Variants in EYS observed in about 807,000 individuals in gnomAD.
EYS encodes the protein protein eyes shut homolog.
Under a neutral mutation model 282.1 loss-of-function variants are expected in EYS, and 250 were observed. That is an observed-to-expected ratio of 0.89 (90% CI 0.80 to 0.98). EYS has a LOEUF of 0.98. EYS is among the 50% of genes least tolerant of loss of function. The pLI is 0.00. For missense variants in EYS, 4,016 were observed against 3,709.0 expected, an observed-to-expected ratio of 1.08 and a Z score of -2.15; for synonymous variants, 1,355 against 1,282.9, an observed-to-expected ratio of 1.06 and a Z score of -1.20.
intron 30 of EYS, among the ~76,000 whole-genome samples, chr6:64,277,778 T>C (rs916647541): frequency 5.9e-5 from 9 of 152,126 alleles, no homozygotes; most frequent in African/African-American, 2.2e-4. Flanking sequence ...AACAAAGTGT[T>C]TGGATAGGCT....
rs1476403583 is a variant in EYS at position 65,501,159 on chromosome 6, G to GT, written c.-332-5167dup. ...TTCTGTGAAGTGAAATCGGTTTTCT[G>GT]TAAGTAATCTAGAATGGAAAATAAT... is the stretch of plus-strand genomic sequence containing the variant. On this transcript the variant is annotated intron_variant, in intron 2 of 42. Transcript: ENST00000503581. Among the ~76,000 whole-genome samples, 3 of 151,938 alleles carry GT rather than the reference G, an allele frequency of 2.0e-5. No homozygotes were observed. In the East Asian group the frequency reaches 5.8e-4, roughly 29 times the overall value.
chr6:63,995,834 A>T (rs1270862379), intron 34 of EYS, among the ~76,000 whole-genome samples: 1 of 151,848 alleles, frequency 6.6e-6, no homozygotes, highest in Non-Finnish European at 1.5e-5. Context: ...ACATTGGTCA[A>T]AGGGTACAAA....
At chr6:65,062,044 T>G (rs1385114705) in intron 12 of EYS, among the ~76,000 whole-genome samples, 2 of 151,958 alleles carry the variant, frequency 1.3e-5, no homozygotes, top group East Asian at 3.9e-4. Flanking sequence ...TATATTTTTC[T>G]ACCTATTCAT....
intron 36 of EYS, among the ~76,000 whole-genome samples, chr6:63,854,849 C>A (rs185461528): frequency 1.3e-5 from 2 of 152,200 alleles, no homozygotes; most frequent in East Asian, 3.9e-4. Flanking sequence ...GGTCTCCAAG[C>A]TTGTTTAATC....
rs16896086 is a variant in EYS at position 64,960,122 on chromosome 6, T to G, written c.2260-14208A>C. Among the ~76,000 whole-genome samples the G allele has an allele frequency of 4.3e-4, 65 of 152,232 alleles. No homozygotes were observed. The East Asian group carries it at 0.012, about 28-fold the overall frequency. ...AGAAAAAAAGTGGAGTCTCTAAGGC[T>G]AAGTTTGACTTGTGATTTGAAGTTT... On this transcript the variant is annotated intron_variant, in intron 14 of 42. Transcript: ENST00000503581.
At chr6:65,243,513 A>G (rs1055792278) in intron 12 of EYS, among the ~76,000 whole-genome samples, 2 of 152,190 alleles carry the variant, frequency 1.3e-5, no homozygotes, top group African/African-American at 4.8e-5. Context: ...TCAAGACTCA[A>G]ATACCACAGA....
At chr6:64,350,560 A>T (rs1771589142) in intron 29 of EYS, among the ~76,000 whole-genome samples, 1 of 151,574 alleles carries the variant, frequency 6.6e-6, no homozygotes, top group Admixed American at 6.6e-5. Context: ...CTGGCATGTC[A>T]CACATCTGCC....
chr6:63,722,740 A>T (rs537530204), intron 42 of EYS, among the ~76,000 whole-genome samples: 19 of 152,238 alleles, frequency 1.2e-4, no homozygotes, highest in African/African-American at 4.3e-4. Context: ...TCCTCCCTCC[A>T]GAGTGCCTAT....
chr6:64,502,317 T>G (rs968804832), intron 26 of EYS, among the ~76,000 whole-genome samples: 2 of 152,084 alleles, frequency 1.3e-5, no homozygotes, highest in African/African-American at 4.8e-5. Flanking sequence ...CTCGACTCAC[T>G]GCAAGCTCCG....
chr6:64,711,765 A>T (rs1583069078), intron 22 of EYS, among the ~76,000 whole-genome samples: 1 of 152,306 alleles, frequency 6.6e-6, no homozygotes, highest in East Asian at 1.9e-4. Context: ...GAACCTTTTC[A>T]GACTTGCGCC....
chr6:64,729,232 C>T (rs552244627), intron 22 of EYS, among the ~76,000 whole-genome samples: 22 of 152,286 alleles, frequency 1.4e-4, no homozygotes, highest in African/African-American at 4.8e-4. Context: ...AATTTCCCTG[C>T]CTCCTATCCT....
chr6:63,800,563 C>A (rs1163788865), intron 37 of EYS, among the ~76,000 whole-genome samples: 3 of 152,048 alleles, frequency 2.0e-5, no homozygotes, highest in African/African-American at 4.8e-5. Context: ...GCACTTTGGG[C>A]GGCTGAGGTG....
chr6:64,453,571 G>A (rs982501983), intron 26 of EYS, among the ~76,000 whole-genome samples: 14 of 152,142 alleles, frequency 9.2e-5, no homozygotes, highest in Non-Finnish European at 1.3e-4. Context: ...TGTTTACTGC[G>A]GCACTATTCA....
intron 26 of EYS, among the ~76,000 whole-genome samples, chr6:64,442,825 C>A (rs756487461): frequency 7.2e-6 from 1 of 139,738 alleles, no homozygotes; most frequent in African/African-American, 2.6e-5. Context: ...TATATGGAAA[C>A]ATCTGGATGC....
chr6:64,418,055 A>G (rs1561983614), intron 28 of EYS, among the ~76,000 whole-genome samples: 2 of 152,188 alleles, frequency 1.3e-5, no homozygotes, highest in Non-Finnish European at 2.9e-5. Context: ...ATGATTGTTT[A>G]GATTCCAGAG....
intron 8 of EYS, among the ~76,000 whole-genome samples, chr6:65,376,423 T>G (rs1048167927): frequency 6.6e-6 from 1 of 152,054 alleles, no homozygotes; most frequent in Non-Finnish European, 1.5e-5. Flanking sequence ...TGCAAAAACA[T>G]ACTAAAATAT....
chr6:65,596,421 G>T (rs1200972144), intron 2 of EYS, among the ~76,000 whole-genome samples: 1 of 152,040 alleles, frequency 6.6e-6, no homozygotes, highest in Non-Finnish European at 1.5e-5. Context: ...TATGTATGCA[G>T]CTAGAACCAA....
At chr6:65,512,838 G>A (rs1442235494) in intron 2 of EYS, among the ~76,000 whole-genome samples, 1 of 151,956 alleles carries the variant, frequency 6.6e-6, no homozygotes, top group Non-Finnish European at 1.5e-5. Flanking sequence ...GAGAAAGCAG[G>A]AAAGATCCAA....
chr6:64,802,890 A>G (rs1474223617), intron 22 of EYS, among the ~76,000 whole-genome samples: 1 of 152,204 alleles, frequency 6.6e-6, no homozygotes, highest in East Asian at 1.9e-4. Flanking sequence ...ATTTGGCTAA[A>G]CTGATGGCAG....
Sources: allele counts gnomAD v4.1 joint callset (sites outside exome capture counted in the v4.1 genomes callset), GRCh38; gene constraint gnomAD v4.1.1; transcripts MANE v1.5; gene names NCBI Gene and HGNC (gene_info 2026-07-23, HGNC 2026-07-21).